Variants in FRMD4A observed in about 807,000 individuals in gnomAD.
FRMD4A encodes the protein FERM domain-containing protein 4A.
A neutral mutation model predicts 129.1 loss-of-function variants in FRMD4A; 29 were observed. That is an observed-to-expected ratio of 0.22 (90% confidence interval 0.17 to 0.31). The LOEUF is 0.31. Ranked by LOEUF, FRMD4A falls within the 10% of genes least tolerant of loss-of-function variation. FRMD4A has a pLI of 1.00. For synonymous variants in FRMD4A, 634 were observed against 571.6 expected (o/e 1.11, Z -1.56); for missense variants, 1,272 against 1,375.8 (o/e 0.92, Z 1.19).
chr10:13,958,013 G>T (rs891825929), intron 2 of FRMD4A, among the ~76,000 whole-genome samples: 1 of 152,024 alleles, frequency 6.6e-6, no homozygotes, highest in East Asian at 1.9e-4. Flanking sequence ...TCCTGCTCTC[G>T]GCACAGCTTG....
rs149973546 is a variant in FRMD4A, at chr10:14,268,827, G to A, written c.45+61231C>T. On this transcript the variant is annotated intron_variant, in intron 2 of 24. Transcript: ENST00000357447. ...TCTGCTATGTGAAAACTCCCAGGGA[G>A]CTAGGCTAATTTTTCCAGAGTTTCT... 2.1e-4 allele frequency among the ~76,000 whole-genome samples: 32 copies of A among 152,340 alleles called. No individual in the cohort carries two copies. The East Asian group carries it at 6.0e-3, about 28-fold the overall frequency.
intron 2 of FRMD4A, among the ~76,000 whole-genome samples, chr10:14,199,699 T>C (rs1444285954): frequency 6.6e-6 from 1 of 152,160 alleles, no homozygotes; most frequent in African/African-American, 2.4e-5. Flanking sequence ...ATTTTAGACA[T>C]TTACCTTTTA....
At chr10:13,769,177 G>C (rs578168763) in intron 6 of FRMD4A, among the ~76,000 whole-genome samples, 13 of 150,286 alleles carry the variant, frequency 8.7e-5, no homozygotes, top group Non-Finnish European at 1.8e-4. Flanking sequence ...TTTTTTAGTA[G>C]AGATGGAAGA....
intron 2 of FRMD4A, among the ~76,000 whole-genome samples, chr10:14,261,985 C>CACACACACCT: frequency 6.7e-6 from 1 of 148,244 alleles, no homozygotes; most frequent in South Asian, 2.2e-4. Flanking sequence ...CACACACACA[C>CACACACACCT]ACCTCATTTT....
chr10:13,693,827 C>T, intron 15 of FRMD4A, 71 bp downstream of exon 15: 1 of 1,517,452 alleles, frequency 6.6e-7, no homozygotes, highest in Non-Finnish European at 9.1e-7. Flanking sequence ...GCAGCTCTCC[C>T]CACCTTCCTG....
intron 5 of FRMD4A, among the ~76,000 whole-genome samples, chr10:13,783,359 A>G (rs2092781201): frequency 6.6e-6 from 1 of 151,956 alleles, no homozygotes. Context: ...TTTGTCCTAA[A>G]TTGTCATTGA....
intron 2 of FRMD4A, among the ~76,000 whole-genome samples, chr10:14,260,449 T>A (rs1338023056): frequency 6.6e-6 from 1 of 152,150 alleles, no homozygotes; most frequent in Non-Finnish European, 1.5e-5. Flanking sequence ...GCATGAAATG[T>A]CCTCTCGGGC....
intron 2 of FRMD4A, among the ~76,000 whole-genome samples, chr10:14,148,753 C>T (rs1002074957): frequency 2.0e-5 from 3 of 150,290 alleles, no homozygotes; most frequent in Admixed American, 1.3e-4. Flanking sequence ...CAGAGCGAGA[C>T]TCTGTCTCAA....
At chr10:14,113,394 T>C (rs1464107784) in intron 2 of FRMD4A, among the ~76,000 whole-genome samples, 3 of 152,206 alleles carry the variant, frequency 2.0e-5, no homozygotes, top group Non-Finnish European at 2.9e-5. Flanking sequence ...ATATATTTTC[T>C]TCCTTGCAAT....
chr10:14,060,745 T>C (rs1323758413), intron 2 of FRMD4A, among the ~76,000 whole-genome samples: 1 of 152,208 alleles, frequency 6.6e-6, no homozygotes, highest in Non-Finnish European at 1.5e-5. Context: ...GGGAAGAAGA[T>C]GGATTATTTG....
At chr10:14,175,776 C>T (rs1393285218) in intron 2 of FRMD4A, among the ~76,000 whole-genome samples, 1 of 152,172 alleles carries the variant, frequency 6.6e-6, no homozygotes, top group Non-Finnish European at 1.5e-5. Flanking sequence ...CCTTCCGCCT[C>T]AGCCTCTCAA....
intron 2 of FRMD4A, among the ~76,000 whole-genome samples, chr10:14,058,831 T>C (rs1401398031): frequency 3.9e-5 from 6 of 152,144 alleles, no homozygotes; most frequent in Non-Finnish European, 8.8e-5. Context: ...TGCTAAATCG[T>C]AGCTCCAAAT....
intron 2 of FRMD4A, among the ~76,000 whole-genome samples, chr10:13,951,315 G>C (rs1301255505): frequency 6.6e-6 from 1 of 152,130 alleles, no homozygotes; most frequent in Non-Finnish European, 1.5e-5. Context: ...TGGCTAGTAG[G>C]GAAGGAAGGA....
chr10:13,717,829 C>T (rs75585664), intron 12 of FRMD4A, among the ~76,000 whole-genome samples: 1,739 of 151,176 alleles, frequency 0.012, 71 homozygotes, highest in South Asian at 0.11. Flanking sequence ...TCGGACTGTA[C>T]GGAAGATGGG....
At chr10:13,680,551 C>T (rs1417695853) in intron 15 of FRMD4A, among the ~76,000 whole-genome samples, 2 of 150,880 alleles carry the variant, frequency 1.3e-5, no homozygotes, top group Middle Eastern at 3.5e-3. Context: ...ATGGCGAAAC[C>T]CTGTCTTCTA....
chr10:14,028,737 G>A (rs1182829006), intron 2 of FRMD4A, among the ~76,000 whole-genome samples: 1 of 152,182 alleles, frequency 6.6e-6, no homozygotes, highest in Admixed American at 6.5e-5. Flanking sequence ...GAAGGGCAAT[G>A]AGTGAGAATG....
At chr10:13,833,577 G>A (rs966738580) in intron 3 of FRMD4A, among the ~76,000 whole-genome samples, 2 of 152,088 alleles carry the variant, frequency 1.3e-5, no homozygotes, top group African/African-American at 4.8e-5. Flanking sequence ...CCAGATTTGG[G>A]AGCTCCTTAC....
intron 2 of FRMD4A, among the ~76,000 whole-genome samples, chr10:14,041,535 A>T: frequency 6.6e-6 from 1 of 152,210 alleles, no homozygotes; most frequent in East Asian, 1.9e-4. Context: ...ACGTTTACAA[A>T]TAAGTTCTGC....
At chr10:14,059,473 C>T (rs1021797674) in intron 2 of FRMD4A, among the ~76,000 whole-genome samples, 4 of 150,986 alleles carry the variant, frequency 2.6e-5, no homozygotes, top group African/African-American at 4.9e-5. Context: ...CTCTCTTTCT[C>T]TCTCTTTCTC....
Sources: gnomAD v4.1 joint callset for allele counts (sites outside exome capture counted in the v4.1 genomes callset) on GRCh38, gnomAD v4.1.1 for gene constraint, MANE v1.5 for transcripts, NCBI Gene and HGNC (gene_info 2026-07-23, HGNC 2026-07-21) for gene names.